Variants in SEMA5B observed in about 807,000 individuals in gnomAD.
SEMA5B encodes the protein semaphorin 5B.
In SEMA5B, 66 loss-of-function variants were observed where a neutral mutation model predicts 135.0. The observed-to-expected ratio is 0.49, with a 90% CI of 0.40 to 0.60. The LOEUF (loss-of-function observed/expected upper bound fraction) is 0.60. SEMA5B is among the 20% of genes least tolerant of loss of function. SEMA5B has a pLI of 0.00. For missense variants in SEMA5B, 1,501 were observed against 1,566.3 expected, an observed-to-expected ratio of 0.96 and a Z score of 0.70; for synonymous variants, 690 against 639.5, an observed-to-expected ratio of 1.08 and a Z score of -1.19.
intron 2 of SEMA5B, among the ~76,000 whole-genome samples, chr3:122,952,267 A>T (rs190499658): frequency 8.0e-4 from 122 of 152,274 alleles, no homozygotes; most frequent in Middle Eastern, 6.8e-3. Flanking sequence ...GTCCTGTGGC[A>T]TGGGGTTTCG....
chr3:122,947,504 C>T (rs1041873918), intron 3 of SEMA5B, among the ~76,000 whole-genome samples: 8 of 152,290 alleles, frequency 5.3e-5, no homozygotes, highest in South Asian at 2.1e-4. Flanking sequence ...GATGGGGCTC[C>T]GCATGTCCTC....
At chr3:123,019,030 C>A (rs188272664) in intron 1 of SEMA5B, among the ~76,000 whole-genome samples, 7 of 152,256 alleles carry the variant, frequency 4.6e-5, no homozygotes, top group African/African-American at 1.4e-4. Flanking sequence ...AATAGCATCC[C>A]CACTCTACTG....
At chr3:122,999,678 G>A (rs1357662521) in intron 1 of SEMA5B, among the ~76,000 whole-genome samples, 1 of 152,154 alleles carries the variant, frequency 6.6e-6, no homozygotes, top group Non-Finnish European at 1.5e-5. Context: ...CCAGGGAGGA[G>A]CAGTCATGCA....
chr3:122,979,687 A>G (rs72970600), intron 1 of SEMA5B, among the ~76,000 whole-genome samples: 14,847 of 152,178 alleles, frequency 0.098, 1,583 homozygotes, highest in African/African-American at 0.27. Context: ...CAGAAAGACA[A>G]TCCCTTAAAG....
At position 122,961,129 on chromosome 3, in the gene SEMA5B, G is replaced by A. The variant is rs200834988; in HGVS notation, c.124+11C>T. 5.7e-4 allele frequency: 915 copies of A among 1,602,236 alleles called. 6 individuals are homozygous for A. In the African/African-American group the frequency reaches 0.01, roughly 18 times the overall value. The stretch of plus-strand genomic sequence containing the variant: ...TGCTGCAGCCCCCCACACTCCCCTG[G>A]GCACACTTACCCCTGACCAGTGAGA... On this transcript the variant is annotated intron_variant, in intron 2 of 22. Coordinates refer to ENST00000357599, the MANE Select transcript of SEMA5B (RefSeq NM_001031702.4).
Position 122,975,929 on chromosome 3 carries a change from C to T in SEMA5B, c.-38-14628G>A, listed in dbSNP as rs558245061. On this transcript the variant is annotated intron_variant, in intron 1 of 22. Transcript: ENST00000357599. Reference sequence around the variant, plus strand: ...CTCCCTCTCCTGCCCCCTCTCTGGCCATTCCCCCTCCATCCAACCTCCTCA... The same window carrying T: ...CTCCCTCTCCTGCCCCCTCTCTGGCTATTCCCCCTCCATCCAACCTCCTCA... The T allele has an allele frequency of 1.3e-5, 19 of 1,518,412 alleles. No homozygotes were observed. In the East Asian group the frequency reaches 4.4e-4, roughly 35 times the overall value. The allele number at this position is 1,518,412 out of a possible 1,614,324, so 94.1% of individuals were successfully genotyped here. A position where few individuals can be genotyped will look rare whatever the true frequency, so the allele number is the denominator to read the frequency against.
intron 2 of SEMA5B, 28 bp downstream of exon 2, chr3:122,961,112 C>A: frequency 6.3e-7 from 1 of 1,578,062 alleles, no homozygotes; most frequent in Admixed American, 1.7e-5. Flanking sequence ...CCTGCTGCAG[C>A]CCCCCACACT....
In SEMA5B at chr3:122,922,033, G is replaced by T; in HGVS notation, c.1570C>A (p.Arg524Ser). The T allele has an allele frequency of 2.0e-6, 3 of 1,496,602 alleles. No individual in the cohort carries two copies. The highest frequency in any genetic ancestry group is 2.7e-6 in the Non-Finnish European group (3 of 1,125,064). The allele number at this position is 1,496,602 out of a possible 1,614,324, so 92.7% of individuals were successfully genotyped here. A position where few individuals can be genotyped will look rare whatever the true frequency, so the allele number is the denominator to read the frequency against. ...LEELHVLPPG[R>S]REPLRSLRIL... ...CGCAGGCTGCGCAGGGGCTCGCGGC[G>T]CCCGGGGGGCAGCACGTGCAGCTCC... is the stretch of plus-strand genomic sequence containing the variant. Residue 524 changes from arginine to serine, a missense_variant, in exon 12 of 23, where the codon CGC becomes AGC. Transcript: ENST00000357599.
chr3:122,974,338 C>A (rs1941236122), intron 1 of SEMA5B, among the ~76,000 whole-genome samples: 2 of 152,234 alleles, frequency 1.3e-5, no homozygotes, highest in Admixed American at 1.3e-4. Context: ...GAAGGCCAGG[C>A]CTGGGACTCC....
At chr3:123,025,996 C>T (rs982403815) in intron 1 of SEMA5B, among the ~76,000 whole-genome samples, 2 of 152,146 alleles carry the variant, frequency 1.3e-5, no homozygotes, top group African/African-American at 4.8e-5. Flanking sequence ...AGGTGAGAGG[C>T]CACTGCTGAT....
chr3:122,926,534 G>T lies in SEMA5B; in HGVS notation c.994C>A (p.Leu332Met). 1 of 1,614,286 alleles carries T rather than the reference G, an allele frequency of 6.2e-7. No individual in the cohort carries two copies. The highest frequency in any genetic ancestry group is 1.3e-5 in the African/African-American group (1 of 75,080). The change falls in exon 9 of 23, where the codon CTG becomes ATG. Residue 332 changes from leucine (L) to methionine (M), a missense_variant. Around this residue, in one of 2 missense-constraint regions of SEMA5B, gnomAD observed 574 missense variants for 684.7 expected, o/e 0.84. Transcript: ENST00000357599. ...ATGAATGTGGTCCATGTGTCCTCCA[G>T]CAGGAATCGGCCCCCCACGTCATTC... is the stretch of plus-strand genomic sequence containing the variant. The part of the protein sequence containing the change: ...CKNDVGGRFL[L>M]EDTWTTFMKA...
chr3:122,981,270 G>T (rs1298748362), intron 1 of SEMA5B, among the ~76,000 whole-genome samples: 1 of 132,652 alleles, frequency 7.5e-6, no homozygotes, highest in African/African-American at 3.2e-5. Context: ...TGGGTCCTAG[G>T]CCCCTCGGGG....
At chr3:122,960,951 G>T (rs568128601) in intron 2 of SEMA5B, among the ~76,000 whole-genome samples, 189 bp downstream of exon 2, 4 of 152,276 alleles carry the variant, frequency 2.6e-5, no homozygotes, top group Admixed American at 1.3e-4. Flanking sequence ...GACTTAAAAA[G>T]GGTTAAATGG....
intron 1 of SEMA5B, among the ~76,000 whole-genome samples, chr3:122,969,691 G>A (rs1941030196): frequency 6.6e-6 from 1 of 152,154 alleles, no homozygotes; most frequent in South Asian, 2.1e-4. Context: ...CACTGCTGCG[G>A]GTGTTGAAGT....
intron 1 of SEMA5B, among the ~76,000 whole-genome samples, chr3:122,991,754 G>C (rs1015866593): frequency 6.6e-6 from 1 of 152,144 alleles, no homozygotes; most frequent in Non-Finnish European, 1.5e-5. Context: ...GTGCACCAGA[G>C]TTGTGCCACA....
At chr3:122,915,366 G>A in intron 14 of SEMA5B, 74 bp downstream of exon 14, 3 of 1,452,894 alleles carry the variant, frequency 2.1e-6, no homozygotes, top group Non-Finnish European at 2.8e-6. Context: ...ACACCCAAGT[G>A]AGGGGTCCCC....
intron 1 of SEMA5B, among the ~76,000 whole-genome samples, chr3:123,007,440 A>G (rs562194644): frequency 6.6e-6 from 1 of 152,282 alleles, no homozygotes; most frequent in South Asian, 2.1e-4. Flanking sequence ...CCCCTTATCC[A>G]TACTGCTATG....
At chr3:122,970,565 C>T (rs6800093) in intron 1 of SEMA5B, among the ~76,000 whole-genome samples, 31,065 of 152,164 alleles carry the variant, frequency 0.2, 3,358 homozygotes, top group Middle Eastern at 0.27. Context: ...TATTTGCAAG[C>T]CTCTTTTTGG....
At chr3:122,949,198 A>T (rs1206008368) in intron 2 of SEMA5B, among the ~76,000 whole-genome samples, 3 of 152,238 alleles carry the variant, frequency 2.0e-5, no homozygotes, top group African/African-American at 7.2e-5. Context: ...ATGGCTCAAA[A>T]TCCAGAAGCC....
Sources: gnomAD v4.1 joint callset for allele counts (sites outside exome capture counted in the v4.1 genomes callset) on GRCh38, gnomAD v4.1.1 for gene constraint, gnomAD v4.1.1 regional missense constraint, MANE v1.5 for transcripts, NCBI Gene and HGNC (gene_info 2026-07-23, HGNC 2026-07-21) for gene names.